Variants in CSMD1 observed in about 807,000 individuals in gnomAD.
The protein encoded by CSMD1 is CUB and sushi domain-containing protein 1.
Under a neutral mutation model 417.5 loss-of-function variants are expected in CSMD1, and 213 were observed. That is an observed-to-expected ratio of 0.51 (90% CI 0.46 to 0.57). The LOEUF is 0.57. Among genes scored for constraint, CSMD1 ranks in the 20% least tolerant of loss-of-function variants. The pLI is 0.00. For synonymous variants in CSMD1, 2,862 were observed against 1,736.8 expected, an observed-to-expected ratio of 1.65 and a Z score of -16.11; for missense variants, 6,923 against 4,529.7, an observed-to-expected ratio of 1.53 and a Z score of -15.17.
intron 39 of CSMD1, among the ~76,000 whole-genome samples, chr8:3,156,468 G>C (rs1263129941): frequency 6.6e-6 from 1 of 152,116 alleles, no homozygotes; most frequent in South Asian, 2.1e-4. Flanking sequence ...TTGTAGAAGG[G>C]CAAATTAAAG....
At chr8:4,475,701 C>A (rs893045854) in intron 2 of CSMD1, among the ~76,000 whole-genome samples, 3 of 152,114 alleles carry the variant, frequency 2.0e-5, no homozygotes, top group African/African-American at 7.2e-5. Context: ...ACTGCAGCTG[C>A]CTCTGGGTTC....
chr8:4,935,010 C>T (rs1807512902), intron 1 of CSMD1, among the ~76,000 whole-genome samples: 1 of 152,198 alleles, frequency 6.6e-6, no homozygotes, highest in Admixed American at 6.5e-5. Context: ...TCTATCTATA[C>T]ATATCTATCT....
At chr8:3,792,197 G>C (rs988946265) in intron 5 of CSMD1, among the ~76,000 whole-genome samples, 1 of 152,074 alleles carries the variant, frequency 6.6e-6, no homozygotes. Context: ...GGGAGGCTGA[G>C]ATGGGAGATC....
intron 1 of CSMD1, among the ~76,000 whole-genome samples, chr8:4,755,113 G>A (rs569995923): frequency 6.6e-6 from 1 of 152,252 alleles, no homozygotes; most frequent in East Asian, 1.9e-4. Context: ...ACTCCAGCCT[G>A]GTGACAGAGG....
At chr8:4,467,007 C>G (rs1374500398) in intron 2 of CSMD1, among the ~76,000 whole-genome samples, 2 of 151,494 alleles carry the variant, frequency 1.3e-5, no homozygotes, top group African/African-American at 4.8e-5. Context: ...CTCAACATAG[C>G]TCAACTGGCC....
At chr8:2,981,732 G>A (rs527541199) in intron 54 of CSMD1, among the ~76,000 whole-genome samples, 103 of 152,306 alleles carry the variant, frequency 6.8e-4, no homozygotes, top group African/African-American at 2.1e-3. Context: ...GCTGTGTTCT[G>A]TGGCGAAAGC....
At chr8:3,661,113 C>T (rs1798396175) in intron 7 of CSMD1, among the ~76,000 whole-genome samples, 1 of 152,174 alleles carries the variant, frequency 6.6e-6, no homozygotes, top group Non-Finnish European at 1.5e-5. Context: ...TCTGTTAAAG[C>T]AAACTAAATA....
chr8:3,098,884 C>A (rs949458152), intron 46 of CSMD1, among the ~76,000 whole-genome samples: 1 of 149,380 alleles, frequency 6.7e-6, no homozygotes, highest in African/African-American at 2.5e-5. Flanking sequence ...AGCCAATATA[C>A]ACAATTTTTT....
chr8:4,005,609 T>C (rs1035417438), intron 4 of CSMD1, among the ~76,000 whole-genome samples: 13 of 152,242 alleles, frequency 8.5e-5, no homozygotes, highest in African/African-American at 2.9e-4. Flanking sequence ...TTTGCAGTCA[T>C]AAATTCACTC....
intron 27 of CSMD1, among the ~76,000 whole-genome samples, chr8:3,224,505 T>C (rs1218031617): frequency 6.6e-6 from 1 of 152,216 alleles, no homozygotes; most frequent in Non-Finnish European, 1.5e-5. Context: ...ACTTTCCCCA[T>C]ATTTCAAAGT....
At position 3,106,686 on chromosome 8, in the gene CSMD1, C is replaced by T. The variant is rs760869136; in HGVS notation, c.6836-45G>A. The T allele has an allele frequency of 4.1e-6, 5 of 1,204,962 alleles. No individual in the cohort carries two copies. In the Admixed American group the frequency reaches 9.2e-5, roughly 22 times the overall value. 74.6% of individuals were successfully genotyped at this position (1,204,962 alleles called of 1,614,324 possible). A position where few individuals can be genotyped will look rare whatever the true frequency, so the allele number is the denominator to read the frequency against. Reference sequence around the variant, plus strand: ...AAACCAGGAAATTGTGTGTGACCTTCTGAGTGTGTGAAGGTGTGACACATG... The same window carrying T: ...AAACCAGGAAATTGTGTGTGACCTTTTGAGTGTGTGAAGGTGTGACACATG... On this transcript the variant is annotated intron_variant, in intron 45 of 69. Coordinates refer to ENST00000635120, the MANE Select transcript of CSMD1 (RefSeq NM_033225.6).
chr8:4,439,548 T>G (rs1465921375), intron 2 of CSMD1, among the ~76,000 whole-genome samples: 1 of 152,180 alleles, frequency 6.6e-6, no homozygotes, highest in Non-Finnish European at 1.5e-5. Flanking sequence ...ATATTTGAAG[T>G]ATGAGTTTAC....
chr8:4,756,294 G>C (rs976313439), intron 1 of CSMD1, among the ~76,000 whole-genome samples: 2 of 152,090 alleles, frequency 1.3e-5, no homozygotes, highest in African/African-American at 2.4e-5. Flanking sequence ...GCAAAATTGA[G>C]AAAGTTTTAA....
At chr8:4,296,992 T>C (rs1282706534) in intron 3 of CSMD1, among the ~76,000 whole-genome samples, 4 of 152,000 alleles carry the variant, frequency 2.6e-5, no homozygotes, top group Non-Finnish European at 4.4e-5. Context: ...TGCAAAGAAG[T>C]ACAAAGACAG....
intron 12 of CSMD1, among the ~76,000 whole-genome samples, chr8:3,432,272 T>G (rs888697162): frequency 1.8e-4 from 27 of 152,014 alleles, no homozygotes; most frequent in Admixed American, 6.6e-5. Context: ...AATAAAATAT[T>G]TGGGATTGAG....
chr8:3,386,609 G>A (rs2116806111), intron 18 of CSMD1, among the ~76,000 whole-genome samples: 1 of 152,302 alleles, frequency 6.6e-6, no homozygotes, highest in South Asian at 2.1e-4. Flanking sequence ...ATGAATGCAT[G>A]CATCATGTTT....
intron 68 of CSMD1, 121 bp from the exon 69 acceptor site, chr8:2,942,725 G>A: frequency 2.9e-6 from 2 of 691,026 alleles, no homozygotes; most frequent in Non-Finnish European, 4.4e-6. Flanking sequence ...CCATTTCACA[G>A]GAAACCAAAT....
intron 52 of CSMD1, among the ~76,000 whole-genome samples, chr8:3,013,872 G>A (rs1014396428): frequency 8.6e-5 from 13 of 152,018 alleles, no homozygotes; most frequent in African/African-American, 2.9e-4. Flanking sequence ...CATGATTCTG[G>A]ATATGGGATT....
intron 18 of CSMD1, among the ~76,000 whole-genome samples, chr8:3,376,377 ATC>A (rs1810301970): frequency 6.6e-6 from 1 of 152,094 alleles, no homozygotes. Context: ...CATTGATTAT[ATC>A]TCATGGTGAC....
Sources: allele counts gnomAD v4.1 joint callset (sites outside exome capture counted in the v4.1 genomes callset), GRCh38; gene constraint gnomAD v4.1.1; transcripts MANE v1.5; gene names NCBI Gene and HGNC (gene_info 2026-07-23, HGNC 2026-07-21).